TNFRSF13B: variants seen among roughly 807,000 people sequenced by gnomAD.
TNFRSF13B encodes TNF receptor superfamily member 13B.
TNFRSF13B carries 34 observed loss-of-function variants against 24.0 expected under a neutral mutation model. The ratio of observed to expected loss-of-function variants is 1.41; its 90% CI spans 1.08 to 1.88. The LOEUF is 1.88. Among genes scored for constraint, TNFRSF13B ranks in the 40% most tolerant of loss-of-function variants. TNFRSF13B has a pLI of 0.00. For missense variants in TNFRSF13B, 415 were observed against 380.8 expected (o/e 1.09, Z -0.75); for synonymous variants, 173 against 150.3 (o/e 1.15, Z -1.10).
At position 16,939,647 on chromosome 17, in the gene TNFRSF13B, C is replaced by T. The variant is rs2087492504; in HGVS notation, c.782G>A (p.Cys261Tyr). 1 of 1,612,698 alleles carries T rather than the reference C, an allele frequency of 6.2e-7. No individual in the cohort carries two copies. The highest frequency in any genetic ancestry group is 8.5e-7 in the Non-Finnish European group (1 of 1,179,006). The change falls in exon 5 of 5, where the codon TGC (cysteine) becomes TAC (tyrosine). Residue 261 changes from cysteine (C) to tyrosine (Y), a missense_variant. Coordinates refer to ENST00000261652, the MANE Select transcript of TNFRSF13B (RefSeq NM_012452.3). The stretch of plus-strand genomic sequence containing the variant: ...CTGCAGGACTGTGGTCCTGGTGTGG[C>T]ACCCCCACCTTCCAGCACAAGTGGG... The part of the protein sequence containing the change: ...PDPTCAGRWG[C>Y]HTRTTVLQPC...
chr17:16,947,978 T>G (rs2087560820), intron 3 of TNFRSF13B, among the ~76,000 whole-genome samples: 1 of 152,142 alleles, frequency 6.6e-6, no homozygotes, highest in African/African-American at 2.4e-5. Flanking sequence ...ATAAAGAAAA[T>G]GTGGTAAATA....
At chr17:16,943,459 T>C (rs1409597074) in intron 3 of TNFRSF13B, among the ~76,000 whole-genome samples, 3 of 152,172 alleles carry the variant, frequency 2.0e-5, no homozygotes, top group African/African-American at 7.2e-5. Context: ...CCTCCAGTTC[T>C]AATCTCATGC....
intron 1 of TNFRSF13B, among the ~76,000 whole-genome samples, chr17:16,967,840 A>G (rs899271158): frequency 2.7e-5 from 4 of 150,656 alleles, no homozygotes; most frequent in Non-Finnish European, 4.4e-5. Context: ...AAAATTTAAT[A>G]AAAGAAATGC....
intron 3 of TNFRSF13B, among the ~76,000 whole-genome samples, chr17:16,946,239 G>T (rs2087546825): frequency 6.6e-6 from 1 of 152,226 alleles, no homozygotes; most frequent in Non-Finnish European, 1.5e-5. Flanking sequence ...CCTGGGACCT[G>T]GCCTCATGGA....
chr17:16,951,071 T>C (rs11656106), intron 2 of TNFRSF13B, among the ~76,000 whole-genome samples: 33,151 of 152,120 alleles, frequency 0.22, 4,393 homozygotes, highest in Non-Finnish European at 0.3. Flanking sequence ...CCATCTATGT[T>C]TGTGGGATGA....
At chr17:16,944,855 G>C (rs945916325) in intron 3 of TNFRSF13B, among the ~76,000 whole-genome samples, 3 of 152,146 alleles carry the variant, frequency 2.0e-5, no homozygotes, top group African/African-American at 4.8e-5. Context: ...CCCACGGAAG[G>C]GGGCAGAGAA....
At chr17:16,939,964 G>C (rs2087497165) in intron 4 of TNFRSF13B, 167 bp from the exon 5 acceptor site, 1 of 1,113,522 alleles carries the variant, frequency 9.0e-7, no homozygotes, top group Admixed American at 2.9e-5. Flanking sequence ...ACCAGAACCT[G>C]TGCCGGGGCA....
At chr17:16,939,875 C>T (rs1253035471) in intron 4 of TNFRSF13B, 78 bp from the exon 5 acceptor site, 14 of 1,482,868 alleles carry the variant, frequency 9.4e-6, no homozygotes, top group Non-Finnish European at 1.3e-5. Flanking sequence ...GGCAGCCGCA[C>T]TCTCCCCCGA....
chr17:16,940,121 C>T (rs1435203067), intron 4 of TNFRSF13B: 1 of 1,364,670 alleles, frequency 7.3e-7, no homozygotes, highest in Non-Finnish European at 9.7e-7. Context: ...ACCGGCACCC[C>T]ACACCCACCC....
chr17:16,948,657 TCCTGTTCTAGG>T, intron 3 of TNFRSF13B, 70 bp downstream of exon 3: 4 of 1,601,642 alleles, frequency 2.5e-6, no homozygotes. Flanking sequence ...TTGTGGACTC[TCCTGTTCTAGG>T]CCTGGCATCA....
chr17:16,941,063 A>T, intron 3 of TNFRSF13B: 1 of 588,110 alleles, frequency 1.7e-6, no homozygotes, highest in Non-Finnish European at 2.2e-6. Context: ...TCTCTAGATT[A>T]CTTATAATAC....
intron 1 of TNFRSF13B, among the ~76,000 whole-genome samples, chr17:16,971,242 G>C (rs1463056646): frequency 6.6e-6 from 1 of 152,040 alleles, no homozygotes; most frequent in Non-Finnish European, 1.5e-5. Context: ...TCAGCCACTC[G>C]GGAGGCTGAG....
chr17:16,949,669 G>C (rs1204367375), intron 2 of TNFRSF13B, among the ~76,000 whole-genome samples: 1 of 151,644 alleles, frequency 6.6e-6, no homozygotes. Context: ...CTTATCTAAA[G>C]TCTCAGAATA....
chr17:16,939,950 G>T (rs2087497046), intron 4 of TNFRSF13B, 153 bp from the exon 5 acceptor site: 1 of 1,171,374 alleles, frequency 8.5e-7, no homozygotes, highest in African/African-American at 1.5e-5. Context: ...TCCGCCAGTT[G>T]CTGACCAGAA....
intron 3 of TNFRSF13B, among the ~76,000 whole-genome samples, chr17:16,946,515 C>G (rs992438955): frequency 2.0e-5 from 3 of 152,048 alleles, no homozygotes; most frequent in Non-Finnish European, 4.4e-5. Context: ...TCCAAAGTGG[C>G]CATCTCCAGC....
chr17:16,967,963 G>A (rs186023787), intron 1 of TNFRSF13B, among the ~76,000 whole-genome samples: 2 of 149,490 alleles, frequency 1.3e-5, no homozygotes, highest in Admixed American at 6.6e-5. Flanking sequence ...CGGTGAAACC[G>A]CATCTCTACT....
rs1567649306 is a variant in TNFRSF13B at position 16,939,414 on chromosome 17, T to TCTCCTCTGTTTCTCTCCCTCTCTGC, written c.*108_*132dup. 2.8e-6 allele frequency: 3 copies of TCTCCTCTGTTTCTCTCCCTCTCTGC among 1,081,034 alleles called. No individual in the cohort carries two copies. Among genetic ancestry groups the TCTCCTCTGTTTCTCTCCCTCTCTGC allele is most frequent in the Non-Finnish European group, 3.9e-6 (3 of 772,430 alleles). The allele number at this position is 1,081,034 out of a possible 1,614,324, so 67.0% of individuals were successfully genotyped here. A position where few individuals can be genotyped will look rare whatever the true frequency, so the allele number is the denominator to read the frequency against. ...CCCTCTGTCTCTCTCTCCCTCTCTGTCTCCTCTGTTTCTCTCCCTCTCTGC... is the reference window on the plus strand; with the variant it reads ...CCCTCTGTCTCTCTCTCCCTCTCTGTCTCCTCTGTTTCTCTCCCTCTCTGCCTCCTCTGTTTCTCTCCCTCTCTGC... On this transcript the variant is annotated 3_prime_UTR_variant, in exon 5 of 5. Transcript: ENST00000261652.
At chr17:16,951,901 TA>T (rs68065334) in intron 2 of TNFRSF13B, among the ~76,000 whole-genome samples, 83,182 of 151,218 alleles carry the variant, frequency 0.55, 23,217 homozygotes, top group Non-Finnish European at 0.59. Context: ...AAAATAAAAA[TA>T]AAAATAAAAA....
In TNFRSF13B at chr17:16,972,094, C is replaced by G; in HGVS notation, c.-19G>C. ...CACTCATTACTCAGGATGCTTATTACTAGTCTTAGATTTGATTAGTGCTTG... is the reference window on the plus strand; with the variant it reads ...CACTCATTACTCAGGATGCTTATTAGTAGTCTTAGATTTGATTAGTGCTTG... On this transcript the variant is annotated 5_prime_UTR_variant, in exon 1 of 5. Coordinates refer to ENST00000261652, the MANE Select transcript of TNFRSF13B (RefSeq NM_012452.3). 2 of 1,613,600 alleles carry G rather than the reference C, an allele frequency of 1.2e-6. No homozygotes were observed. The highest frequency in any genetic ancestry group is 2.7e-5 in the African/African-American group (2 of 75,064).
Sources: allele counts gnomAD v4.1 joint callset (sites outside exome capture counted in the v4.1 genomes callset), GRCh38; gene constraint gnomAD v4.1.1; transcripts MANE v1.5; gene names NCBI Gene and HGNC (gene_info 2026-07-23, HGNC 2026-07-21).